The following SNTG1 variants were observed in gnomAD, a reference collection of about 807,000 sequenced individuals.
SNTG1 encodes the protein syntrophin gamma 1.
SNTG1 carries 39 observed loss-of-function variants against 74.7 expected under a neutral mutation model. The ratio of observed to expected loss-of-function variants is 0.52; its 90% CI spans 0.40 to 0.68. SNTG1 has a LOEUF of 0.68. SNTG1 is among the 30% of genes least tolerant of loss of function. The pLI is 0.00. For missense variants in SNTG1, 685 were observed against 609.5 expected (o/e 1.12, Z -1.30); for synonymous variants, 254 against 217.1 (o/e 1.17, Z -1.49).
chr8:49,955,357 G>T (rs1810059312), intron 1 of SNTG1, among the ~76,000 whole-genome samples: 1 of 152,158 alleles, frequency 6.6e-6, no homozygotes, highest in African/African-American at 2.4e-5. Context: ...CTGCTGGCTC[G>T]ATGGCAGGCT....
At chr8:50,060,003 A>G (rs1820339478) in intron 1 of SNTG1, among the ~76,000 whole-genome samples, 1 of 152,126 alleles carries the variant, frequency 6.6e-6, no homozygotes, top group Non-Finnish European at 1.5e-5. Flanking sequence ...CATGTTTGCC[A>G]ACACTTGCTA....
intron 12 of SNTG1, among the ~76,000 whole-genome samples, chr8:50,557,345 A>G (rs1251744228): frequency 1.3e-5 from 2 of 152,202 alleles, no homozygotes; most frequent in Non-Finnish European, 2.9e-5. Context: ...TCTGTTACAC[A>G]GCAATAGGGA....
chr8:50,239,452 T>G (rs12680004), intron 2 of SNTG1, among the ~76,000 whole-genome samples: 85,806 of 151,880 alleles, frequency 0.56, 27,929 homozygotes, highest in East Asian at 0.84. Flanking sequence ...GTGCAAACGC[T>G]GGAAAAACTA....
intron 8 of SNTG1, among the ~76,000 whole-genome samples, chr8:50,470,938 A>T (rs2093648689): frequency 6.6e-6 from 1 of 152,142 alleles, no homozygotes; most frequent in Non-Finnish European, 1.5e-5. Context: ...TGTCCATTTT[A>T]CAGAGTGCTG....
intron 1 of SNTG1, among the ~76,000 whole-genome samples, chr8:49,973,696 C>G (rs76987684): frequency 0.029 from 4,469 of 152,060 alleles, 223 homozygotes; most frequent in African/African-American, 0.1. Flanking sequence ...TATTCCTGTT[C>G]ATTTGGCATA....
intron 1 of SNTG1, among the ~76,000 whole-genome samples, chr8:49,957,833 G>T (rs1477420312): frequency 6.6e-6 from 1 of 152,106 alleles, no homozygotes; most frequent in Non-Finnish European, 1.5e-5. Context: ...AGGCATGGTG[G>T]TGTGTGCCTG....
intron 2 of SNTG1, among the ~76,000 whole-genome samples, chr8:50,296,174 T>A (rs565238024): frequency 1.4e-4 from 22 of 152,144 alleles, no homozygotes; most frequent in African/African-American, 5.1e-4. Flanking sequence ...AGGCTACAAT[T>A]GAAAAAACAA....
intron 8 of SNTG1, among the ~76,000 whole-genome samples, chr8:50,464,307 C>T (rs2093591140): frequency 6.6e-6 from 1 of 152,170 alleles, no homozygotes; most frequent in Non-Finnish European, 1.5e-5. Flanking sequence ...AAGAAGCCTA[C>T]AATTTGCCCT....
At chr8:50,561,041 G>T (rs139530361) in intron 12 of SNTG1, among the ~76,000 whole-genome samples, 3 of 152,144 alleles carry the variant, frequency 2.0e-5, no homozygotes, top group Middle Eastern at 3.4e-3. Flanking sequence ...TTCTGTGTCC[G>T]CATCCAAATC....
chr8:50,155,627 T>G (rs948418671), intron 1 of SNTG1, among the ~76,000 whole-genome samples: 2 of 151,980 alleles, frequency 1.3e-5, no homozygotes, highest in Non-Finnish European at 2.9e-5. Flanking sequence ...TGAGAAATTA[T>G]AGATAATTTA....
chr8:50,579,550 G>A (rs1273398526), intron 12 of SNTG1, among the ~76,000 whole-genome samples: 1 of 151,936 alleles, frequency 6.6e-6, no homozygotes, highest in African/African-American at 2.4e-5. Flanking sequence ...TGGTTTTCTG[G>A]GCCTGGTCCA....
chr8:50,716,866 G>T (rs1362416093), intron 17 of SNTG1, among the ~76,000 whole-genome samples: 1 of 151,740 alleles, frequency 6.6e-6, no homozygotes, highest in Non-Finnish European at 1.5e-5. Flanking sequence ...CTGAGTAACT[G>T]GGACTACAGG....
chr8:50,150,340 C>G (rs1372476592), intron 1 of SNTG1, among the ~76,000 whole-genome samples: 2 of 152,166 alleles, frequency 1.3e-5, no homozygotes, highest in African/African-American at 2.4e-5. Flanking sequence ...CATCTGCAAA[C>G]AGGGACAATT....
chr8:50,771,360 T>C (rs2095626722), intron 18 of SNTG1, among the ~76,000 whole-genome samples: 1 of 152,120 alleles, frequency 6.6e-6, no homozygotes, highest in Non-Finnish European at 1.5e-5. Flanking sequence ...GTCGATGCCC[T>C]AGTATTTTGT....
intron 1 of SNTG1, among the ~76,000 whole-genome samples, chr8:50,020,544 T>C (rs79316515): frequency 4.3e-4 from 66 of 152,316 alleles, no homozygotes; most frequent in Middle Eastern, 3.4e-3. Context: ...TGTAAAATAT[T>C]TTCTTCTTAT....
chr8:50,009,015 A>T (rs114129043), intron 1 of SNTG1, among the ~76,000 whole-genome samples: 1,654 of 79,516 alleles, frequency 0.021, 33 homozygotes, highest in African/African-American at 0.069. Flanking sequence ...TCAATATCCC[A>T]GTCAGTGCTT....
At chr8:50,453,861 T>C (rs1335190663) in intron 8 of SNTG1, among the ~76,000 whole-genome samples, 1 of 152,220 alleles carries the variant, frequency 6.6e-6, no homozygotes, top group Non-Finnish European at 1.5e-5. Flanking sequence ...CCAATGCTGC[T>C]GCTCAGCATC....
chr8:50,706,092 G>C (rs983552621), intron 16 of SNTG1, among the ~76,000 whole-genome samples: 1 of 152,136 alleles, frequency 6.6e-6, no homozygotes, highest in African/African-American at 2.4e-5. Flanking sequence ...ACATCAAGTT[G>C]TACCAGTATG....
chr8:50,115,818 T>G (rs550305292), intron 1 of SNTG1, among the ~76,000 whole-genome samples: 1 of 152,176 alleles, frequency 6.6e-6, no homozygotes, highest in African/African-American at 2.4e-5. Flanking sequence ...CTTATTTTAT[T>G]TTGCTTATAA....
Sources: allele counts gnomAD v4.1 joint callset (sites outside exome capture counted in the v4.1 genomes callset), GRCh38; gene constraint gnomAD v4.1.1; transcripts MANE v1.5; gene names NCBI Gene and HGNC (gene_info 2026-07-23, HGNC 2026-07-21).